The following RAD51D variants were observed in gnomAD, a reference collection of about 807,000 sequenced individuals.
RAD51D encodes DNA repair protein RAD51 homolog 4.
RAD51D carries 38 observed loss-of-function variants against 44.1 expected under a neutral mutation model. That is an observed-to-expected ratio of 0.86 (90% CI 0.67 to 1.13). The LOEUF is 1.13. Ranked by LOEUF, RAD51D falls within the 50% of genes most tolerant of loss-of-function variation. RAD51D has a pLI of 0.00. For synonymous variants in RAD51D, 141 were observed against 166.6 expected (o/e 0.85, Z 1.18); for missense variants, 390 against 414.0 (o/e 0.94, Z 0.50).
At chr17:35,104,856 A>T in intron 6 of RAD51D, 2 of 144,928 alleles carry the variant, frequency 1.4e-5, no homozygotes, top group African/African-American at 5.2e-5. Context: ...TTTTTTTAAG[A>T]CAGGGTCTTG....
rs367563429 is a variant in RAD51D at position 35,118,666 on chromosome 17, C to G, written c.145-47G>C. The G allele has an allele frequency of 7.8e-5, 113 of 1,451,202 alleles. No homozygotes were observed. Among genetic ancestry groups the G allele is most frequent in the Non-Finnish European group, 9.2e-5 (95 of 1,032,318 alleles). 89.9% of individuals were successfully genotyped at this position (1,451,202 alleles called of 1,614,324 possible). A position where few individuals can be genotyped will look rare whatever the true frequency, so the allele number is the denominator to read the frequency against. ...CTCAGCAACAAATTGCCCGTAGAAG[C>G]TGGCATCCCAGGGTGTCATTCACCC... On this transcript the variant is annotated intron_variant, in intron 2 of 9. Transcript: ENST00000345365.
rs1281036710 is a variant in RAD51D at position 35,100,973 on chromosome 17, A to C, written c.967T>G (p.Leu323Val). ...TWGTSEQSAT[L>V]QGDQT ...ACAGGTCATGTCTGATCACCCTGTA[A>C]TGTGGCACTCTGCTCTGAGGTCCCC... The change falls in exon 10 of 10, where the codon TTA becomes GTA. Residue 323 changes from leucine to valine, a missense_variant. By Grantham distance (32) the Leu-to-Val change is conservative (BLOSUM62 1). Coordinates refer to ENST00000345365, the MANE Select transcript of RAD51D (RefSeq NM_002878.4). The C allele has an allele frequency of 6.2e-7, 1 of 1,613,204 alleles. No homozygotes were observed. Among genetic ancestry groups the C allele is most frequent in the African/African-American group, 1.3e-5 (1 of 74,890 alleles).
At position 35,096,882 on chromosome 17, in the gene RAD51D, C is replaced by T. The variant is rs1235771235; in HGVS notation, c.*4071G>A. Reference sequence around the variant, plus strand: ...AAAGAAATAAATATAAATAAGTGTCCCTAGTATTTACACTTCTTTAAGCCT... The same window carrying T: ...AAAGAAATAAATATAAATAAGTGTCTCTAGTATTTACACTTCTTTAAGCCT... On this transcript the variant is annotated 3_prime_UTR_variant, in exon 10 of 10. Coordinates refer to ENST00000345365, the MANE Select transcript of RAD51D (RefSeq NM_002878.4). The T allele has an allele frequency of 1.1e-5, 1 of 94,720 alleles. No homozygotes were observed. Among genetic ancestry groups the T allele is most frequent in the Non-Finnish European group, 2.1e-5 (1 of 48,534 alleles). 5.9% of individuals were successfully genotyped at this position (94,720 alleles called of 1,614,324 possible).
chr17:35,118,505 C>T lies in RAD51D; in HGVS notation c.259G>A (p.Gly87Ser), dbSNP rs767681165. Residue 87 changes from glycine (G) to serine (S), a missense_variant, in exon 3 of 10, where the codon GGC (glycine) becomes AGC (serine). Coordinates refer to ENST00000345365, the MANE Select transcript of RAD51D (RefSeq NM_002878.4). ...TSTAILSTGIGSLDKLLDAGL... is the reference protein window; with the variant it reads ...TSTAILSTGISSLDKLLDAGL... ...TCCCCAAGTACACACACAAACCTGC[C>T]AATGCCAGTGGACAGGATGGCAGTG... is the stretch of plus-strand genomic sequence containing the variant. The T allele has an allele frequency of 6.2e-7, 1 of 1,613,750 alleles. No homozygotes were observed. The highest frequency in any genetic ancestry group is 8.5e-7 in the Non-Finnish European group (1 of 1,179,674).
In RAD51D at chr17:35,118,497, A is replaced by G. The variant is rs1251701888; in HGVS notation, c.263+4T>C. ...CTCCTTCTTCCCCAAGTACACACACAAACCTGCCAATGCCAGTGGACAGGA... is the reference window on the plus strand; with the variant it reads ...CTCCTTCTTCCCCAAGTACACACACGAACCTGCCAATGCCAGTGGACAGGA... On this transcript the variant is annotated splice_donor_region_variant and intron_variant, in intron 3 of 9. Coordinates refer to ENST00000345365, the MANE Select transcript of RAD51D (RefSeq NM_002878.4). 6.2e-7 allele frequency: 1 copy of G among 1,612,352 alleles called. No individual in the cohort carries two copies. Among genetic ancestry groups the G allele is most frequent in the East Asian group, 2.2e-5 (1 of 44,884 alleles).
rs2142436265 is a variant in RAD51D at position 35,107,355 on chromosome 17, C to A, written c.345+11G>T. 6.5e-7 allele frequency: 1 copy of A among 1,538,830 alleles called. No homozygotes were observed. The highest frequency in any genetic ancestry group is 9.0e-7 in the Non-Finnish European group (1 of 1,111,640). On this transcript the variant is annotated intron_variant, in intron 4 of 9. Transcript: ENST00000345365. ...CCCCTAAATCCTCCTGACTGCTGGC[C>A]TCACATGTACCTGAGTTTTGCCGCT...
Position 35,096,484 on chromosome 17 carries a change from G to C in RAD51D, c.*4469C>G, listed in dbSNP as rs1415464391. ...AAGACAAAACCAACATAAAAGAACA[G>C]AGCAGAAGGATGCAAAGGCTCTACG... On this transcript the variant is annotated 3_prime_UTR_variant, in exon 10 of 10. Transcript: ENST00000345365. 2.0e-5 allele frequency: 3 copies of C among 152,260 alleles called. No individual in the cohort carries two copies. Among genetic ancestry groups the C allele is most frequent in the African/African-American group, 7.2e-5 (3 of 41,464 alleles). The allele number at this position is 152,260 out of a possible 1,614,324, so 9.4% of individuals were successfully genotyped here. A position where few individuals can be genotyped will look rare whatever the true frequency, so the allele number is the denominator to read the frequency against.
chr17:35,119,429 G>A (rs1336299356), intron 1 of RAD51D, 103 bp downstream of exon 1: 1 of 1,355,618 alleles, frequency 7.4e-7, no homozygotes, highest in South Asian at 1.2e-5. Flanking sequence ...AGGAATGGAG[G>A]GGAAGCGCCC....
At chr17:35,118,399 A>G in intron 3 of RAD51D, 102 bp downstream of exon 3, 1 of 996,036 alleles carries the variant, frequency 1.0e-6, no homozygotes, top group Non-Finnish European at 1.6e-6. Context: ...TTATTGGTTA[A>G]AAAAAAAACC....
intron 3 of RAD51D, among the ~76,000 whole-genome samples, chr17:35,116,505 A>T (rs1208120074): frequency 2.6e-5 from 4 of 151,382 alleles, no homozygotes; most frequent in African/African-American, 9.7e-5. Flanking sequence ...ATTTTATTTT[A>T]TTTTTTTGAG....
chr17:35,114,555 T>A (rs1285361912), intron 3 of RAD51D, among the ~76,000 whole-genome samples: 1 of 151,892 alleles, frequency 6.6e-6, no homozygotes, highest in Non-Finnish European at 1.5e-5. Flanking sequence ...CCAGGCATGG[T>A]GGTGAGCACC....
At position 35,107,040 on chromosome 17, in the gene RAD51D, G is replaced by A. The variant is rs752861378; in HGVS notation, c.428C>T (p.Ala143Val). The part of the protein sequence containing the change: ...LYVDSNGGLT[A>V]SRLLQLLQAK... ...CTGAAGCAGCTGGAGGAGGCGGGAA[G>A]CTGTCAGCCCTCCATTGGAATCTAC... Residue 143 changes from alanine (A) to valine (V), a missense_variant, in exon 5 of 10, where the codon GCT becomes GTT. Physicochemically the swap from Ala to Val is moderately conservative, Grantham distance 64. Coordinates refer to ENST00000345365, the MANE Select transcript of RAD51D (RefSeq NM_002878.4). 6.2e-7 allele frequency: 1 copy of A among 1,614,178 alleles called. No individual in the cohort carries two copies. Among genetic ancestry groups the A allele is most frequent in the South Asian group, 1.1e-5 (1 of 91,090 alleles).
chr17:35,115,845 G>A (rs1356502483), intron 3 of RAD51D, among the ~76,000 whole-genome samples: 1 of 149,804 alleles, frequency 6.7e-6, no homozygotes, highest in Non-Finnish European at 1.5e-5. Flanking sequence ...ACTCCAGCCT[G>A]GCAACAGAGT....
intron 2 of RAD51D, 35 bp downstream of exon 2, chr17:35,119,076 C>T: frequency 6.3e-7 from 1 of 1,592,156 alleles, no homozygotes; most frequent in South Asian, 1.1e-5. Flanking sequence ...TTTAAAAAGA[C>T]ACTCAGGTTT....
At chr17:35,115,644 C>A (rs925902793) in intron 3 of RAD51D, among the ~76,000 whole-genome samples, 13 of 151,988 alleles carry the variant, frequency 8.6e-5, no homozygotes, top group African/African-American at 2.9e-4. Flanking sequence ...CCAAGGCGGG[C>A]GGATCACGAG....
chr17:35,116,013 G>GAAAGAAAGAAAGA (rs1555569879), intron 3 of RAD51D, among the ~76,000 whole-genome samples: 1 of 148,668 alleles, frequency 6.7e-6, no homozygotes, highest in African/African-American at 2.5e-5. Context: ...AAGAAAGAAA[G>GAAAGAAAGAAAGA]GCTAGAAACC....
chr17:35,112,179 G>A (rs558697464), intron 3 of RAD51D, among the ~76,000 whole-genome samples: 163 of 152,300 alleles, frequency 1.1e-3, no homozygotes, highest in African/African-American at 3.8e-3. Flanking sequence ...CCAGGTTCAC[G>A]TCATTCTCGT....
chr17:35,111,407 A>T (rs2091674873), intron 3 of RAD51D, among the ~76,000 whole-genome samples: 2 of 151,890 alleles, frequency 1.3e-5, no homozygotes, highest in South Asian at 4.1e-4. Flanking sequence ...AAAAAAATAC[A>T]AATACAAATA....
rs1174162411 is a variant in RAD51D, at chr17:35,099,055, A to G, written c.*1898T>C. 1 of 151,968 alleles carries G rather than the reference A, an allele frequency of 6.6e-6. No homozygotes were observed. Among genetic ancestry groups the G allele is most frequent in the Non-Finnish European group, 1.5e-5 (1 of 68,008 alleles). The allele number at this position is 151,968 out of a possible 1,614,324, so 9.4% of individuals were successfully genotyped here. On this transcript the variant is annotated 3_prime_UTR_variant, in exon 10 of 10. Transcript: ENST00000345365. Reference sequence around the variant, plus strand: ...GAAACGATGTCTCATCATGTTGCCCAGGCTGATTTTAAACTGTTAAACTCC... The same window carrying G: ...GAAACGATGTCTCATCATGTTGCCCGGGCTGATTTTAAACTGTTAAACTCC...
Sources: allele counts gnomAD v4.1 joint callset (sites outside exome capture counted in the v4.1 genomes callset), GRCh38; gene constraint gnomAD v4.1.1; transcripts MANE v1.5; gene names NCBI Gene and HGNC (gene_info 2026-07-23, HGNC 2026-07-21).